GCDH: variants seen among roughly 807,000 people sequenced by gnomAD.
The protein encoded by GCDH is glutaryl-CoA dehydrogenase, also known as glutaryl-CoA dehydrogenase, mitochondrial.
A neutral mutation model predicts 52.8 loss-of-function variants in GCDH; 31 were observed. That is an observed-to-expected ratio of 0.59 (90% CI 0.44 to 0.79). The LOEUF (loss-of-function observed/expected upper bound fraction) is 0.79. GCDH is among the 30% of genes least tolerant of loss of function. The pLI, the probability that GCDH is intolerant of heterozygous loss-of-function variation, is 0.00. For synonymous variants in GCDH, 242 were observed against 250.0 expected (o/e 0.97, Z 0.30); for missense variants, 509 against 595.0 (o/e 0.86, Z 1.50).
intron 6 of GCDH, 39 bp from the exon 7 acceptor site, chr19:12,895,951 CAG>C (rs761300095): frequency 1.9e-6 from 3 of 1,612,608 alleles, no homozygotes; most frequent in Non-Finnish European, 2.5e-6. Flanking sequence ...GGGGATGTAT[CAG>C]GGACCAGGCA....
intron 6 of GCDH, chr19:12,894,084 G>A: frequency 1.3e-6 from 1 of 795,118 alleles, no homozygotes; most frequent in South Asian, 1.6e-5. Context: ...GCGCTAAGTG[G>A]ACGTTGGCCC....
chr19:12,893,366 C>T, intron 5 of GCDH, 117 bp from the exon 6 acceptor site: 1 of 868,606 alleles, frequency 1.2e-6, no homozygotes. Context: ...TAAACCTCAG[C>T]TAGGGCCAGC....
chr19:12,892,402 CTGCCTCCACCCCTCTAGTAG>C, intron 5 of GCDH: 1 of 602,852 alleles, frequency 1.7e-6, no homozygotes, highest in Non-Finnish European at 3.0e-6. Context: ...AGCGATTCTC[CTGCCTCCACCCCTCTAGTAG>C]CTGGGATTAC....
In GCDH at chr19:12,891,260, C is replaced by A. The variant is rs367715601; in HGVS notation, c.-34-11C>A. The A allele has an allele frequency of 5.6e-4, 848 of 1,520,684 alleles. 2 individuals carry two copies. Among genetic ancestry groups the A allele is most frequent in the Non-Finnish European group, 7.4e-4 (818 of 1,112,086 alleles). 94.2% of individuals were successfully genotyped at this position (1,520,684 alleles called of 1,614,324 possible). On this transcript the variant is annotated splice_polypyrimidine_tract_variant and intron_variant, in intron 1 of 11. Transcript: ENST00000222214. The stretch of plus-strand genomic sequence containing the variant: ...GAGAGGAGCTCCGCTCTGACACCCC[C>A]GCTCCTGTAGGTCGCCGTCGTTGCT...
chr19:12,896,938 G>A lies in GCDH; in HGVS notation c.881G>A (p.Arg294Gln), dbSNP rs775606471. The change falls in exon 9 of 12, where the codon CGG becomes CAG. Residue 294 changes from arginine to glutamine, a missense_variant. Coordinates refer to ENST00000222214, the MANE Select transcript of GCDH (RefSeq NM_000159.4). The surrounding 1 kb of genome is among the most constrained non-coding windows in gnomAD (Gnocchi z 5.5). ...CCCTTCGGCTGCCTGAACAACGCCCGGTACGGCATCGCGTGGGGCGTGCTT... is the reference window on the plus strand; with the variant it reads ...CCCTTCGGCTGCCTGAACAACGCCCAGTACGGCATCGCGTGGGGCGTGCTT... The part of the protein sequence containing the change: ...GGPFGCLNNA[R>Q]YGIAWGVLGA... 47 of 1,613,104 alleles carry A rather than the reference G, an allele frequency of 2.9e-5. No homozygotes were observed. The highest frequency in any genetic ancestry group is 6.7e-5 in the African/African-American group (5 of 74,918).
intron 6 of GCDH, chr19:12,894,724 G>A (rs142097195): frequency 1.6e-5 from 13 of 806,820 alleles, no homozygotes; most frequent in South Asian, 5.8e-5. Context: ...TGAAGCAGCC[G>A]CATATTAAGA....
intron 3 of GCDH, 111 bp downstream of exon 3, chr19:12,891,633 C>A: frequency 6.2e-7 from 1 of 1,610,172 alleles, no homozygotes; most frequent in South Asian, 1.1e-5. Flanking sequence ...GTGGCAGGGT[C>A]GTGGCCAGGG....
At position 12,891,349 on chromosome 19, in the gene GCDH, C is replaced by A; in HGVS notation, c.45C>A (p.Pro15=). The A allele has an allele frequency of 6.2e-7, 1 of 1,613,140 alleles. No individual in the cohort carries two copies. Among genetic ancestry groups the A allele is most frequent in the Non-Finnish European group, 8.5e-7 (1 of 1,179,984 alleles). Residue 15 remains proline, a synonymous_variant, in exon 2 of 12, where the codon CCC becomes CCA. Transcript: ENST00000222214. ...CCGTGCGGCTGCTGAGCCGCGGACCCGGCCTGCACGTCCTTCGCACGTGGG... is the reference window on the plus strand; with the variant it reads ...CCGTGCGGCTGCTGAGCCGCGGACCAGGCCTGCACGTCCTTCGCACGTGGG... The part of the protein sequence containing the change: ...GVSVRLLSRG[P]GLHVLRTWVS...
At position 12,896,419 on chromosome 19, in the gene GCDH, G is replaced by A; in HGVS notation, c.850G>A (p.Gly284Arg). ...ENVLPGASSL[G>R]GPFGCLNNAR... Reference sequence around the variant, plus strand: ...TGTGCTCCCTGGTGCATCCAGCCTGGGGGTAAGTGGCAGCCACTTTGGGAA... The same window carrying A: ...TGTGCTCCCTGGTGCATCCAGCCTGAGGGTAAGTGGCAGCCACTTTGGGAA... Residue 284 changes from glycine (G) to arginine (R), a missense_variant and splice_region_variant, in exon 8 of 12, where the codon GGG becomes AGG. Physicochemically the swap from Gly to Arg is moderately radical, Grantham distance 125 (BLOSUM62 -2). Coordinates refer to ENST00000222214, the MANE Select transcript of GCDH (RefSeq NM_000159.4). This position sits in a 1 kb window ranked among gnomAD's most constrained non-coding sequence, Gnocchi z 5.5. 3.7e-6 allele frequency: 6 copies of A among 1,611,824 alleles called. No individual in the cohort carries two copies. Among genetic ancestry groups the A allele is most frequent in the South Asian group, 1.1e-5 (1 of 90,864 alleles).
chr19:12,891,580 G>A (rs771159682), intron 3 of GCDH, 58 bp downstream of exon 3: 12 of 1,613,732 alleles, frequency 7.4e-6, no homozygotes, highest in South Asian at 4.4e-5. Context: ...TCTGTCTGCC[G>A]CAGGTGGACT....
In GCDH at chr19:12,899,455, T is replaced by G; in HGVS notation, c.1244-13T>G. ...TGAAAACTCCAAACCGACTCTGTAT[T>G]AATCTTGTCCAGGTACACATGACAT... On this transcript the variant is annotated splice_polypyrimidine_tract_variant and intron_variant, in intron 11 of 11. Coordinates refer to ENST00000222214, the MANE Select transcript of GCDH (RefSeq NM_000159.4). 1.2e-6 allele frequency: 2 copies of G among 1,614,186 alleles called. No individual in the cohort carries two copies. Among genetic ancestry groups the G allele is most frequent in the African/African-American group, 2.7e-5 (2 of 75,064 alleles).
rs1970563311 is a variant in GCDH, at chr19:12,891,823, C to T, written c.128-8C>T. 1.2e-6 allele frequency: 2 copies of T among 1,613,666 alleles called. No homozygotes were observed. Among genetic ancestry groups the T allele is most frequent in the South Asian group, 1.1e-5 (1 of 91,064 alleles). On this transcript the variant is annotated splice_polypyrimidine_tract_variant and splice_region_variant and intron_variant, in intron 3 of 11. Transcript: ENST00000222214. The stretch of plus-strand genomic sequence containing the variant: ...GCGGACTGGACCGAGGCGAATTCCC[C>T]TTCCCAGCCTCGCGTCCCGAGTTTG...
chr19:12,897,140 A>C (rs1014330913), intron 9 of GCDH, 127 bp downstream of exon 9: 1 of 1,183,816 alleles, frequency 8.4e-7, no homozygotes, highest in Non-Finnish European at 1.2e-6. Context: ...ATGACCAGTG[A>C]CGTCCTTCTG....
chr19:12,898,427 C>CCCTCTA (rs1970744883), intron 11 of GCDH: 1 of 159,976 alleles, frequency 6.3e-6, no homozygotes, highest in Non-Finnish European at 1.4e-5. Context: ...ATGAGGACCC[C>CCCTCTA]CCGGGCAGAG....
intron 6 of GCDH, among the ~76,000 whole-genome samples, chr19:12,895,462 T>C (rs1336199471): frequency 6.6e-6 from 1 of 152,106 alleles, no homozygotes; most frequent in Non-Finnish European, 1.5e-5. Flanking sequence ...TGTTTCACTA[T>C]GTTGGCCAGG....
In GCDH at chr19:12,896,247, T is replaced by A; in HGVS notation, c.678T>A (p.Ala226=). Residue 226 remains alanine (A), a synonymous_variant, in exon 8 of 12, where the codon GCT becomes GCA. Coordinates refer to ENST00000222214, the MANE Select transcript of GCDH (RefSeq NM_000159.4). This position sits in a 1 kb window ranked among gnomAD's most constrained non-coding sequence, Gnocchi z 5.5. The stretch of plus-strand genomic sequence containing the variant: ...TGGCCGATCTGTTTGTAGTGTGGGC[T>A]CGGTGTGAAGATGGCTGCATTCGGG... ...SPMADLFVVW[A]RCEDGCIRGF... The A allele has an allele frequency of 6.2e-7, 1 of 1,610,402 alleles. No homozygotes were observed.
rs140134376 is a variant in GCDH, at chr19:12,897,390, C to G, written c.1044C>G (p.His348Gln). 6.2e-7 allele frequency: 1 copy of G among 1,613,546 alleles called. No homozygotes were observed. The highest frequency in any genetic ancestry group is 1.3e-5 in the African/African-American group (1 of 74,874). The change falls in exon 10 of 12, where the codon CAC becomes CAG. Residue 348 changes from histidine (H) to glutamine (Q), a missense_variant. Coordinates refer to ENST00000222214, the MANE Select transcript of GCDH (RefSeq NM_000159.4). ...DMLTEITLGL[H>Q]ACLQLGRLKD... ...TCACTGAGATTACCCTGGGCCTTCA[C>G]GCCTGCCTGCAGCTCGGCCGCTTGA... is the stretch of plus-strand genomic sequence containing the variant.
In GCDH at chr19:12,892,310, C is replaced by G. The variant is rs765083035; in HGVS notation, c.334+132C>G. On this transcript the variant is annotated intron_variant, in intron 5 of 11. Coordinates refer to ENST00000222214, the MANE Select transcript of GCDH (RefSeq NM_000159.4). ...CTTTTCTTTCCTTTCTTCTTCCCCC[C>G]CAACAGAGTCTGGCTCTGTTGCCCA... 37 of 865,038 alleles carry G rather than the reference C, an allele frequency of 4.3e-5. No individual in the cohort carries two copies. The highest frequency in any genetic ancestry group is 3.3e-4 in the Admixed American group (16 of 48,100). 53.6% of individuals were successfully genotyped at this position (865,038 alleles called of 1,614,324 possible). A position where few individuals can be genotyped will look rare whatever the true frequency, so the allele number is the denominator to read the frequency against.
chr19:12,894,686 C>A, intron 6 of GCDH: 1 of 811,176 alleles, frequency 1.2e-6, no homozygotes, highest in Non-Finnish European at 2.0e-6. Context: ...TCCACATGTC[C>A]TGCAGCACAA....
Sources: allele counts gnomAD v4.1 joint callset (sites outside exome capture counted in the v4.1 genomes callset), GRCh38; gene constraint gnomAD v4.1.1; non-coding constraint Gnocchi (gnomAD v3.1); transcripts MANE v1.5; gene names NCBI Gene and HGNC (gene_info 2026-07-23, HGNC 2026-07-21).